The following KIF6 variants were observed in gnomAD, a reference collection of about 807,000 sequenced individuals.
The protein encoded by KIF6 is kinesin family member 6.
Under a neutral mutation model 112.7 loss-of-function variants are expected in KIF6, and 106 were observed. The ratio of observed to expected loss-of-function variants is 0.94; its 90% CI spans 0.80 to 1.11. The LOEUF is 1.11. Among genes scored for constraint, KIF6 ranks in the 50% least tolerant of loss-of-function variants. The pLI, the probability that KIF6 is intolerant of heterozygous loss-of-function variation, is 0.00. For synonymous variants in KIF6, 339 were observed against 339.9 expected, an observed-to-expected ratio of 1.00 and a Z score of 0.03; for missense variants, 929 against 964.0, an observed-to-expected ratio of 0.96 and a Z score of 0.48.
At chr6:39,693,266 G>A (rs1788332919) in intron 3 of KIF6, among the ~76,000 whole-genome samples, 1 of 152,228 alleles carries the variant, frequency 6.6e-6, no homozygotes, top group Non-Finnish European at 1.5e-5. Context: ...AGGTCTTCCA[G>A]CTCAATAACT....
chr6:39,349,631 C>CTTTTTTT lies in KIF6; in HGVS notation c.2181-3112_2181-3106dup, dbSNP rs58810898. The stretch of plus-strand genomic sequence containing the variant: ...GAAGGTCTAGGTTTAATTTGTGGCT[C>CTTTTTTT]TTTTTTTTTTTTTTTTTTTTTTTTT... On this transcript the variant is annotated intron_variant, in intron 19 of 22. Transcript: ENST00000287152. Among the ~76,000 whole-genome samples the CTTTTTTT allele has an allele frequency of 3.3e-4, 21 of 64,558 alleles. 2 individuals carry two copies. Among genetic ancestry groups the CTTTTTTT allele is most frequent in the African/African-American group, 7.1e-4 (11 of 15,494 alleles). The allele number at this position is 64,558 out of a possible 152,430, so 42.4% of individuals were successfully genotyped here.
At chr6:39,481,052 A>G (rs1362174537) in intron 13 of KIF6, among the ~76,000 whole-genome samples, 1 of 151,730 alleles carries the variant, frequency 6.6e-6, no homozygotes, top group Non-Finnish European at 1.5e-5. Context: ...TTTCAATTTC[A>G]TTTAGTTCTG....
At chr6:39,549,088 T>C (rs1779220948) in intron 10 of KIF6, among the ~76,000 whole-genome samples, 1 of 152,234 alleles carries the variant, frequency 6.6e-6, no homozygotes, top group Non-Finnish European at 1.5e-5. Context: ...TCTGACAGCC[T>C]GTGTCCTGGT....
At chr6:39,604,699 T>C (rs1462998024) in intron 6 of KIF6, among the ~76,000 whole-genome samples, 1 of 152,128 alleles carries the variant, frequency 6.6e-6, no homozygotes, top group Non-Finnish European at 1.5e-5. Flanking sequence ...AAAACAAACT[T>C]TGGAGCAATC....
intron 13 of KIF6, among the ~76,000 whole-genome samples, chr6:39,454,795 T>C (rs1772945818): frequency 6.6e-6 from 1 of 151,880 alleles, no homozygotes; most frequent in African/African-American, 2.4e-5. Flanking sequence ...CCCACCCGAA[T>C]ATTGCGCTTT....
At chr6:39,355,330 C>A (rs1764560796) in intron 19 of KIF6, among the ~76,000 whole-genome samples, 1 of 151,768 alleles carries the variant, frequency 6.6e-6, no homozygotes, top group African/African-American at 2.4e-5. Flanking sequence ...AAAGTCACTC[C>A]AAAAAGTTAG....
intron 3 of KIF6, among the ~76,000 whole-genome samples, chr6:39,681,177 T>A (rs1383955369): frequency 2.6e-5 from 4 of 152,190 alleles, no homozygotes; most frequent in African/African-American, 9.6e-5. Context: ...AAAATTTTGA[T>A]GATCCGATTT....
At chr6:39,538,017 T>G (rs542297843) in intron 13 of KIF6, among the ~76,000 whole-genome samples, 1 of 152,202 alleles carries the variant, frequency 6.6e-6, no homozygotes, top group Admixed American at 6.5e-5. Context: ...TAGCTATATG[T>G]AGAAAGTTGA....
chr6:39,444,474 C>T (rs1772178347), intron 13 of KIF6, among the ~76,000 whole-genome samples: 2 of 152,074 alleles, frequency 1.3e-5, no homozygotes, highest in African/African-American at 4.8e-5. Flanking sequence ...GAGAAAAGAT[C>T]TTAAGGTGAA....
At chr6:39,450,123 A>C (rs752379295) in intron 13 of KIF6, among the ~76,000 whole-genome samples, 12 of 152,198 alleles carry the variant, frequency 7.9e-5, no homozygotes, top group African/African-American at 1.2e-4. Context: ...AGTGAGAGCC[A>C]CTCTCTTTTC....
rs61215070 is a variant in KIF6 at position 39,584,417 on chromosome 6, T to TAAAAAAA, written c.1077+474_1077+480dup. ...TCCAGCCTGAGCAAGACTCTGTCTC[T>TAAAAAAA]AAAAAAAAAAAAAAAAAAAAAAAAA... On this transcript the variant is annotated intron_variant, in intron 9 of 22. Transcript: ENST00000287152. Among the ~76,000 whole-genome samples, 8 of 46,054 alleles carry TAAAAAAA rather than the reference T, an allele frequency of 1.7e-4. 1 individual carries two copies. Among genetic ancestry groups the TAAAAAAA allele is most frequent in the Non-Finnish European group, 2.5e-4 (4 of 16,106 alleles). 30.2% of individuals were successfully genotyped at this position (46,054 alleles called of 152,430 possible).
intron 10 of KIF6, among the ~76,000 whole-genome samples, chr6:39,577,308 CT>C (rs1402213564): frequency 6.6e-6 from 1 of 152,260 alleles, no homozygotes; most frequent in Non-Finnish European, 1.5e-5. Flanking sequence ...TTACCATTTT[CT>C]CCATTGAGGG....
chr6:39,605,995 C>A (rs1189782895), intron 6 of KIF6, among the ~76,000 whole-genome samples: 2 of 151,958 alleles, frequency 1.3e-5, no homozygotes, highest in African/African-American at 4.8e-5. Flanking sequence ...CCTTTGTTCC[C>A]TCCCCTTCTT....
intron 13 of KIF6, among the ~76,000 whole-genome samples, chr6:39,529,512 C>T (rs978732166): frequency 3.9e-5 from 6 of 152,042 alleles, no homozygotes; most frequent in African/African-American, 9.7e-5. Flanking sequence ...CCTGGCCAGG[C>T]GCAGTGGCTC....
chr6:39,504,084 G>A (rs142543101), intron 13 of KIF6, among the ~76,000 whole-genome samples: 3,999 of 152,134 alleles, frequency 0.026, 92 homozygotes, highest in Non-Finnish European at 0.037. Flanking sequence ...TATTCTTGAT[G>A]AACATTAATG....
rs533382965 is a variant in KIF6 at position 39,392,900 on chromosome 6, C to T, written c.1811-7228G>A. On this transcript the variant is annotated intron_variant, in intron 15 of 22. Transcript: ENST00000287152. ...ATAGCAGTTGAGATTTTCCAGCATT[C>T]GAGAAAAATATAAGCCCTTGGGTTG... Among the ~76,000 whole-genome samples the T allele has an allele frequency of 6.6e-5, 10 of 152,220 alleles. No individual in the cohort carries two copies. The South Asian group carries it at 1.5e-3, about 22-fold the overall frequency.
Position 39,335,231 on chromosome 6 carries a change from C to A in KIF6, c.*1301G>T, listed in dbSNP as rs1762873845. The A allele has an allele frequency of 6.6e-6, 1 of 152,054 alleles. No homozygotes were observed. The highest frequency in any genetic ancestry group is 2.1e-4 in the South Asian group (1 of 4,814). The allele number at this position is 152,054 out of a possible 1,614,324, so 9.4% of individuals were successfully genotyped here. On this transcript the variant is annotated 3_prime_UTR_variant, in exon 23 of 23. Coordinates refer to ENST00000287152, the MANE Select transcript of KIF6 (RefSeq NM_145027.6). ...GGGATAGGGGATAACTAGGGGGTGACTCGAGATGGAGTGGTCAGGGGAAGC... is the reference window on the plus strand; with the variant it reads ...GGGATAGGGGATAACTAGGGGGTGAATCGAGATGGAGTGGTCAGGGGAAGC...
intron 19 of KIF6, among the ~76,000 whole-genome samples, chr6:39,348,887 G>A (rs141251223): frequency 5.3e-4 from 81 of 152,292 alleles, no homozygotes; most frequent in Non-Finnish European, 1.0e-3. Flanking sequence ...CTGGGCCCTC[G>A]CTCTCTCACC....
intron 12 of KIF6, among the ~76,000 whole-genome samples, chr6:39,541,909 T>A (rs1041469545): frequency 6.6e-6 from 1 of 152,172 alleles, no homozygotes; most frequent in Non-Finnish European, 1.5e-5. Flanking sequence ...GTGATCCCAC[T>A]TCCTACAATG....
Sources: allele counts gnomAD v4.1 joint callset (sites outside exome capture counted in the v4.1 genomes callset), GRCh38; gene constraint gnomAD v4.1.1; transcripts MANE v1.5; gene names NCBI Gene and HGNC (gene_info 2026-07-23, HGNC 2026-07-21).